Variants in WWP1 observed in about 807,000 individuals in gnomAD.
The protein encoded by WWP1 is WW domain containing E3 ubiquitin protein ligase 1, also known as NEDD4-like E3 ubiquitin-protein ligase WWP1.
Under a neutral mutation model 130.6 loss-of-function variants are expected in WWP1, and 49 were observed. That is an observed-to-expected ratio of 0.38 (90% CI 0.30 to 0.48). The LOEUF (loss-of-function observed/expected upper bound fraction) is 0.48. Ranked by LOEUF, WWP1 falls within the 20% of genes least tolerant of loss-of-function variation. WWP1 has a pLI of 0.99. For synonymous variants in WWP1, 332 were observed against 367.8 expected (o/e 0.90, Z 1.11); for missense variants, 809 against 1,100.6 (o/e 0.74, Z 3.75).
intron 14 of WWP1, among the ~76,000 whole-genome samples, chr8:86,432,423 G>A (rs112244962): frequency 1.5e-4 from 22 of 151,614 alleles, no homozygotes; most frequent in African/African-American, 5.3e-4. Context: ...TGGTACATTC[G>A]ATTCCTACCC....
chr8:86,360,798 G>C (rs1318207601), intron 1 of WWP1, among the ~76,000 whole-genome samples: 1 of 152,196 alleles, frequency 6.6e-6, no homozygotes, highest in Non-Finnish European at 1.5e-5. Flanking sequence ...CTGTAATTGA[G>C]AATTACTAGG....
In WWP1 at chr8:86,448,000, T is replaced by A. The variant is rs1183449157; in HGVS notation, c.1999-148T>A. 1.1e-5 allele frequency: 7 copies of A among 645,914 alleles called. No individual in the cohort carries two copies. In the South Asian group the frequency reaches 1.4e-4, roughly 13 times the overall value. The allele number at this position is 645,914 out of a possible 1,614,324, so 40.0% of individuals were successfully genotyped here. A position where few individuals can be genotyped will look rare whatever the true frequency, so the allele number is the denominator to read the frequency against. On this transcript the variant is annotated intron_variant, in intron 18 of 24. Coordinates refer to ENST00000517970, the MANE Select transcript of WWP1 (RefSeq NM_007013.4). ...TTTGTTTTTCATACCTAGCATTTTA[T>A]ATAATATTTTAGTTTTCATGATTTA...
intron 14 of WWP1, 133 bp from the exon 15 acceptor site, chr8:86,435,319 T>C (rs1014722997): frequency 1.1e-6 from 1 of 876,322 alleles, no homozygotes. Context: ...CCACCATGTA[T>C]GTATACCCTT....
intron 8 of WWP1, among the ~76,000 whole-genome samples, chr8:86,411,199 T>G (rs1283781864): frequency 4.6e-5 from 7 of 152,064 alleles, no homozygotes; most frequent in African/African-American, 1.7e-4. Context: ...TTTTTCAGAG[T>G]TTAGATGGCC....
intron 1 of WWP1, among the ~76,000 whole-genome samples, chr8:86,367,578 C>G (rs905002568): frequency 6.6e-6 from 1 of 152,070 alleles, no homozygotes; most frequent in Non-Finnish European, 1.5e-5. Flanking sequence ...TAATAGTGAA[C>G]CTTTATACAA....
At chr8:86,362,443 C>T (rs1412368678) in intron 1 of WWP1, among the ~76,000 whole-genome samples, 1 of 151,486 alleles carries the variant, frequency 6.6e-6, no homozygotes, top group Non-Finnish European at 1.5e-5. Flanking sequence ...CACTGTTTGG[C>T]CTTGGAAGGG....
At chr8:86,383,352 A>G (rs1563483449) in intron 5 of WWP1, among the ~76,000 whole-genome samples, 1 of 152,240 alleles carries the variant, frequency 6.6e-6, no homozygotes, top group Non-Finnish European at 1.5e-5. Flanking sequence ...GAACCTCCAT[A>G]TAAAGATAAC....
chr8:86,442,446 C>CT, intron 17 of WWP1, 173 bp from the exon 18 acceptor site: 1 of 498,628 alleles, frequency 2.0e-6, no homozygotes, highest in Non-Finnish European at 3.2e-6. Flanking sequence ...TAGCAGGTAA[C>CT]TTAAATGGAG....
At chr8:86,439,845 T>C (rs1265804169) in intron 17 of WWP1, among the ~76,000 whole-genome samples, 3 of 152,204 alleles carry the variant, frequency 2.0e-5, no homozygotes, top group Non-Finnish European at 4.4e-5. Flanking sequence ...TTGCTTTTCA[T>C]AGAAACAACT....
intron 24 of WWP1, among the ~76,000 whole-genome samples, chr8:86,466,068 G>T (rs1439424960): frequency 2.0e-5 from 3 of 152,160 alleles, no homozygotes; most frequent in Non-Finnish European, 4.4e-5. Context: ...ACTAGTCACT[G>T]CTACTGTAGG....
intron 1 of WWP1, among the ~76,000 whole-genome samples, chr8:86,360,315 C>T (rs1442152490): frequency 1.3e-5 from 2 of 152,128 alleles, no homozygotes; most frequent in Non-Finnish European, 2.9e-5. Flanking sequence ...CTAAGGGCCT[C>T]GTAACTTTCA....
intron 9 of WWP1, among the ~76,000 whole-genome samples, chr8:86,413,238 A>G (rs1808690339): frequency 1.3e-5 from 2 of 152,092 alleles, no homozygotes; most frequent in South Asian, 2.1e-4. Flanking sequence ...CAGACCCTAT[A>G]TTAGCTTTCC....
chr8:86,430,833 GTTCCTTATTT>G, intron 12 of WWP1, 82 bp downstream of exon 12: 1 of 373,316 alleles, frequency 2.7e-6, no homozygotes, highest in Non-Finnish European at 3.8e-6. Flanking sequence ...ATATATATAT[GTTCCTTATTT>G]TATATATATA....
In WWP1 at chr8:86,455,029, A is replaced by G. The variant is rs1349945705; in HGVS notation, c.2394+2350A>G. ...CATTCATTGCCTCTCTTACCATAGT[A>G]ATGGTTATTTATACTATTATTCACA... On this transcript the variant is annotated intron_variant, in intron 21 of 24. Transcript: ENST00000517970. 2.6e-5 allele frequency among the ~76,000 whole-genome samples: 4 copies of G among 152,128 alleles called. No individual in the cohort carries two copies. The East Asian group carries it at 7.7e-4, about 29-fold the overall frequency.
chr8:86,367,591 C>T (rs1035213720), intron 1 of WWP1, among the ~76,000 whole-genome samples: 2 of 152,100 alleles, frequency 1.3e-5, no homozygotes, highest in Non-Finnish European at 2.9e-5. Context: ...TTATACAATT[C>T]TGTGGGATTT....
chr8:86,382,857 CTCT>C (rs2130374823), intron 5 of WWP1, among the ~76,000 whole-genome samples: 1 of 152,284 alleles, frequency 6.6e-6, no homozygotes, highest in East Asian at 1.9e-4. Context: ...AATATTTTTG[CTCT>C]TCTTATTTCT....
Position 86,381,503 on chromosome 8 carries a change from A to G in WWP1, c.210-2A>G. The G allele has an allele frequency of 6.2e-7, 1 of 1,603,004 alleles. No individual in the cohort carries two copies. Among genetic ancestry groups the G allele is most frequent in the Non-Finnish European group, 8.5e-7 (1 of 1,177,642 alleles). ...TTTTTGTTAATAATTTTACCCTTCCAGAAATGTTACGCCACAGACTACATT... is the reference window on the plus strand; with the variant it reads ...TTTTTGTTAATAATTTTACCCTTCCGGAAATGTTACGCCACAGACTACATT... On this transcript the variant is annotated splice_acceptor_variant, in intron 4 of 24. Coordinates refer to ENST00000517970, the MANE Select transcript of WWP1 (RefSeq NM_007013.4). LOFTEE classifies it high-confidence loss of function.
chr8:86,404,582 C>G (rs1808172096), intron 8 of WWP1, among the ~76,000 whole-genome samples: 1 of 152,174 alleles, frequency 6.6e-6, no homozygotes, highest in African/African-American at 2.4e-5. Flanking sequence ...AAGGTTCCAT[C>G]ATAAATAATT....
chr8:86,417,608 A>C (rs1019145353), intron 9 of WWP1, among the ~76,000 whole-genome samples: 4 of 152,224 alleles, frequency 2.6e-5, no homozygotes, highest in Admixed American at 1.3e-4. Context: ...GTTAGATGGT[A>C]AGTTAGAAAT....
Sources: allele counts gnomAD v4.1 joint callset (sites outside exome capture counted in the v4.1 genomes callset), GRCh38; gene constraint gnomAD v4.1.1; transcripts MANE v1.5; gene names NCBI Gene and HGNC (gene_info 2026-07-23, HGNC 2026-07-21).